The following KMT2C variants were observed in gnomAD, a reference collection of about 807,000 sequenced individuals.
KMT2C encodes lysine methyltransferase 2C.
KMT2C carries 88 observed loss-of-function variants against 507.9 expected under a neutral mutation model. The observed-to-expected ratio is 0.17, with a 90% confidence interval of 0.15 to 0.21. The LOEUF is 0.21. Ranked by LOEUF, KMT2C falls within the 10% of genes least tolerant of loss-of-function variation. The probability of loss-of-function intolerance (pLI) is 1.00; values close to 1 mark genes in which losing one functional copy is unlikely to be tolerated. For missense variants in KMT2C, 4,954 were observed against 5,957.8 expected, an observed-to-expected ratio of 0.83 and a Z score of 5.55; for synonymous variants, 2,049 against 2,080.8, an observed-to-expected ratio of 0.98 and a Z score of 0.42.
chr7:152,245,215 G>C (rs2095450676), intron 14 of KMT2C, among the ~76,000 whole-genome samples: 1 of 152,200 alleles, frequency 6.6e-6, no homozygotes, highest in African/African-American at 2.4e-5. Flanking sequence ...TGAAAGCACA[G>C]CCACAGTCTT....
At chr7:152,249,004 C>T (rs2095519785) in intron 13 of KMT2C, among the ~76,000 whole-genome samples, 1 of 152,116 alleles carries the variant, frequency 6.6e-6, no homozygotes, top group African/African-American at 2.4e-5. Flanking sequence ...CCAGATGTAA[C>T]AAAGTTACTA....
chr7:152,295,221 T>C (rs1299276339), intron 6 of KMT2C, among the ~76,000 whole-genome samples: 3 of 152,246 alleles, frequency 2.0e-5, no homozygotes, highest in African/African-American at 4.8e-5. Context: ...CTAAATATGT[T>C]TGTCTTCAAG....
At position 152,181,775 on chromosome 7, in the gene KMT2C, G is replaced by T; in HGVS notation, c.6085C>A (p.Pro2029Thr). 4 of 1,614,130 alleles carry T rather than the reference G, an allele frequency of 2.5e-6. No homozygotes were observed. Among genetic ancestry groups the T allele is most frequent in the Non-Finnish European group, 2.5e-6 (3 of 1,180,024 alleles). The stretch of plus-strand genomic sequence containing the variant: ...TCAAGAGGTGCAGGTGTCAACAAGG[G>T]TCGTGCATATGAGTCAGGTATCCTT... The part of the protein sequence containing the change: ...RQRIPDSYAR[P>T]LLTPAPLDSG... The change falls in exon 36 of 59, where the codon CCC (proline) becomes ACC (threonine). Residue 2029 changes from proline (P) to threonine (T), a missense_variant. Pro to Thr is a conservative substitution (Grantham distance 38, BLOSUM62 -1). Transcript: ENST00000262189.
intron 2 of KMT2C, among the ~76,000 whole-genome samples, chr7:152,340,033 G>C (rs1262172085): frequency 6.6e-6 from 1 of 151,724 alleles, no homozygotes; most frequent in African/African-American, 2.4e-5. Flanking sequence ...ACCCAGGCTA[G>C]AGTACAGTGG....
intron 23 of KMT2C, among the ~76,000 whole-genome samples, chr7:152,219,334 T>G (rs969863933): frequency 1.3e-5 from 2 of 152,198 alleles, no homozygotes; most frequent in Non-Finnish European, 2.9e-5. Flanking sequence ...ATTAACTGAT[T>G]TTTTTTAAGA....
At chr7:152,296,500 A>AT (rs1170698550) in intron 6 of KMT2C, among the ~76,000 whole-genome samples, 2 of 151,392 alleles carry the variant, frequency 1.3e-5, no homozygotes, top group African/African-American at 2.4e-5. Context: ...TCTGGCAAGG[A>AT]TTTTTCCTTA....
intron 1 of KMT2C, among the ~76,000 whole-genome samples, chr7:152,397,563 G>A (rs190524965): frequency 4.5e-4 from 69 of 152,150 alleles, no homozygotes; most frequent in Middle Eastern, 3.4e-3. Context: ...AACACCAATC[G>A]TTTATTTTGG....
At chr7:152,191,637 G>A (rs2093796928) in intron 31 of KMT2C, among the ~76,000 whole-genome samples, 1 of 152,204 alleles carries the variant, frequency 6.6e-6, no homozygotes, top group African/African-American at 2.4e-5. Context: ...CACACCAGTG[G>A]TGTAAGGTCT....
intron 1 of KMT2C, among the ~76,000 whole-genome samples, chr7:152,384,582 C>CATCACCACTAAA (rs2097405505): frequency 7.0e-6 from 1 of 143,812 alleles, no homozygotes; most frequent in African/African-American, 2.5e-5. Flanking sequence ...CCACCACCAC[C>CATCACCACTAAA]ACCACCACCA....
intron 6 of KMT2C, among the ~76,000 whole-genome samples, chr7:152,277,272 A>G (rs183834504): frequency 6.6e-6 from 1 of 151,954 alleles, no homozygotes; most frequent in Non-Finnish European, 1.5e-5. Flanking sequence ...TTTTTTTAGT[A>G]TTAGGCAACT....
At chr7:152,284,880 A>G (rs2096271443) in intron 6 of KMT2C, among the ~76,000 whole-genome samples, 1 of 152,288 alleles carries the variant, frequency 6.6e-6, no homozygotes, top group African/African-American at 2.4e-5. Flanking sequence ...AATGCCAACC[A>G]GATGGCTAAA....
At chr7:152,322,428 T>C (rs1370469627) in intron 3 of KMT2C, among the ~76,000 whole-genome samples, 1 of 152,020 alleles carries the variant, frequency 6.6e-6, no homozygotes, top group African/African-American at 2.4e-5. Context: ...TAAGTTGATT[T>C]ATAACAAAGA....
chr7:152,192,382 A>T (rs185062364), intron 31 of KMT2C, among the ~76,000 whole-genome samples: 2 of 152,276 alleles, frequency 1.3e-5, no homozygotes, highest in Admixed American at 1.3e-4. Context: ...CTCTACTAAA[A>T]ATACAAAAAA....
chr7:152,166,399 G>A (rs2092728811), intron 42 of KMT2C, among the ~76,000 whole-genome samples: 1 of 152,116 alleles, frequency 6.6e-6, no homozygotes, highest in South Asian at 2.1e-4. Flanking sequence ...TGGAATTACA[G>A]GTATGAACCA....
rs995883060 is a variant in KMT2C at position 152,162,589 on chromosome 7, G to A, written c.10988C>T (p.Pro3663Leu). The change falls in exon 43 of 59, where the codon CCA becomes CTA. Residue 3663 changes from proline (P) to leucine (L), a missense_variant. Coordinates refer to ENST00000262189, the MANE Select transcript of KMT2C (RefSeq NM_170606.3). Reference sequence around the variant, plus strand: ...CATATTGGGAGTGGATGGGCCGACTGGTTCCACCGACTCTTGGTCGGCTTG... The same window carrying A: ...CATATTGGGAGTGGATGGGCCGACTAGTTCCACCGACTCTTGGTCGGCTTG... ...PQQADQESVE[P>L]VGPSTPNMAA... 2.5e-6 allele frequency: 4 copies of A among 1,614,090 alleles called. No individual in the cohort carries two copies. The African/African-American group carries it at 4.0e-5, about 16-fold the overall frequency.
chr7:152,214,243 A>G (rs1210913663), intron 23 of KMT2C, among the ~76,000 whole-genome samples: 1 of 152,126 alleles, frequency 6.6e-6, no homozygotes, highest in South Asian at 2.1e-4. Context: ...TAAAATCAGC[A>G]TCTGAGAGAG....
intron 1 of KMT2C, among the ~76,000 whole-genome samples, chr7:152,395,959 C>T (rs1188592452): frequency 6.6e-6 from 1 of 152,186 alleles, no homozygotes; most frequent in Non-Finnish European, 1.5e-5. Context: ...GCCACTTTTA[C>T]ATGTGTAACT....
rs537399842 is a variant in KMT2C, at chr7:152,326,354, CAA to C, written c.389+4245_389+4246del. Among the ~76,000 whole-genome samples the C allele has an allele frequency of 1.6e-3, 243 of 152,066 alleles. 3 individuals are homozygous for C. The highest frequency in any genetic ancestry group is 5.7e-3 in the African/African-American group (236 of 41,516). On this transcript the variant is annotated intron_variant, in intron 3 of 58. Transcript: ENST00000262189. ...TTATGTCTGTGATCCTTAATCTTTC[CAA>C]AAAGTTTTATAATTTTCTCTATAAA... is the stretch of plus-strand genomic sequence containing the variant.
chr7:152,163,978 A>C (rs2092595545), intron 42 of KMT2C, 152 bp from the exon 43 acceptor site: 1 of 656,450 alleles, frequency 1.5e-6, no homozygotes, highest in Non-Finnish European at 2.7e-6. Context: ...AAAGTCACAA[A>C]AAAATTGAAT....
Sources: allele counts gnomAD v4.1 joint callset (sites outside exome capture counted in the v4.1 genomes callset), GRCh38; gene constraint gnomAD v4.1.1; transcripts MANE v1.5; gene names NCBI Gene and HGNC (gene_info 2026-07-23, HGNC 2026-07-21).